Variants in ZFHX3 observed in about 807,000 individuals in gnomAD.
The protein encoded by ZFHX3 is zinc finger homeobox protein 3.
In ZFHX3, 42 loss-of-function variants were observed where a neutral mutation model predicts 279.1. The ratio of observed to expected loss-of-function variants is 0.15; its 90% CI spans 0.12 to 0.19. The LOEUF (loss-of-function observed/expected upper bound fraction) is 0.19. Among genes scored for constraint, ZFHX3 ranks in the 10% least tolerant of loss-of-function variants. The pLI is 1.00. For missense variants in ZFHX3, 4,981 were observed against 4,754.0 expected (o/e 1.05, Z -1.40); for synonymous variants, 2,293 against 1,957.8 (o/e 1.17, Z -4.52).
chr16:73,579,871 T>TATATATATATATATAC (rs1294197708), intron 2 of ZFHX3, among the ~76,000 whole-genome samples: 1 of 131,932 alleles, frequency 7.6e-6, no homozygotes, highest in African/African-American at 2.6e-5. Flanking sequence ...TATATATATA[T>TATATATATATATATAC]ATACATACAC....
intron 4 of ZFHX3, among the ~76,000 whole-genome samples, chr16:73,273,774 T>C (rs953411101): frequency 6.6e-6 from 1 of 152,196 alleles, no homozygotes; most frequent in Admixed American, 6.5e-5. Context: ...TGTCTCTGTA[T>C]AGGTATTTCA....
chr16:72,986,145 G>A (rs913567147), intron 1 of ZFHX3, among the ~76,000 whole-genome samples: 6 of 149,278 alleles, frequency 4.0e-5, no homozygotes, highest in Non-Finnish European at 7.4e-5. Flanking sequence ...TCCATGGCCC[G>A]TCCTGGGTGG....
rs746275309 is a variant in ZFHX3 at position 72,796,322 on chromosome 16, A to G, written c.6360T>C (p.Pro2120=). The G allele has an allele frequency of 6.2e-7, 1 of 1,614,118 alleles. No individual in the cohort carries two copies. Among genetic ancestry groups the G allele is most frequent in the Non-Finnish European group, 8.5e-7 (1 of 1,180,026 alleles). Residue 2120 remains proline, a synonymous_variant, in exon 9 of 10, where the codon CCT becomes CCC. Coordinates refer to ENST00000268489, the MANE Select transcript of ZFHX3 (RefSeq NM_006885.4). ...CCAGGTCCGCAGGCAGAGGCTCCAC[A>G]GGTCCCAGCTGCGGGGGTAGCTGAG... ...LPAQLPPQLG[P]VEPLPADLAQ... is the part of the protein sequence containing the mutation.
intron 1 of ZFHX3, among the ~76,000 whole-genome samples, chr16:73,882,411 C>A (rs999036093): frequency 6.6e-6 from 1 of 151,970 alleles, no homozygotes; most frequent in Non-Finnish European, 1.5e-5. Flanking sequence ...GAAAGTGGTA[C>A]AGAAACATGA....
At chr16:73,769,287 C>T (rs369708096) in intron 1 of ZFHX3, among the ~76,000 whole-genome samples, 1 of 152,128 alleles carries the variant, frequency 6.6e-6, no homozygotes, top group Non-Finnish European at 1.5e-5. Flanking sequence ...AGATCATAAA[C>T]TTCATGAGGA....
At chr16:73,330,454 T>C (rs1327161788) in intron 3 of ZFHX3, among the ~76,000 whole-genome samples, 3 of 152,232 alleles carry the variant, frequency 2.0e-5, no homozygotes, top group East Asian at 1.9e-4. Flanking sequence ...AATTCATGCA[T>C]GTGCTGCAAG....
chr16:73,876,230 G>T (rs2029942201), intron 1 of ZFHX3, among the ~76,000 whole-genome samples: 1 of 152,172 alleles, frequency 6.6e-6, no homozygotes, highest in South Asian at 2.1e-4. Context: ...ATGAGTTCCT[G>T]CTGCTGAGTC....
intron 3 of ZFHX3, among the ~76,000 whole-genome samples, chr16:73,397,772 G>T (rs2017159136): frequency 6.7e-6 from 1 of 150,230 alleles, no homozygotes; most frequent in Admixed American, 6.6e-5. Context: ...GGGCAGTGGT[G>T]GTATTTGTTA....
intron 1 of ZFHX3, among the ~76,000 whole-genome samples, chr16:72,984,003 T>G (rs1597053844): frequency 6.6e-6 from 1 of 152,202 alleles, no homozygotes; most frequent in Non-Finnish European, 1.5e-5. Context: ...CTGTTTTGCA[T>G]GAACCCTTGA....
chr16:72,822,754 T>C (rs1243644190), intron 5 of ZFHX3, among the ~76,000 whole-genome samples: 2 of 151,964 alleles, frequency 1.3e-5, no homozygotes, highest in East Asian at 1.9e-4. Flanking sequence ...TTATACTGTG[T>C]CATAATTGTG....
chr16:73,023,966 A>C (rs1252440111), intron 1 of ZFHX3, among the ~76,000 whole-genome samples: 1 of 152,096 alleles, frequency 6.6e-6, no homozygotes, highest in African/African-American at 2.4e-5. Flanking sequence ...GCTTCTTTTG[A>C]GCGCTCTGTC....
intron 2 of ZFHX3, among the ~76,000 whole-genome samples, chr16:73,497,358 G>A (rs1219464642): frequency 6.6e-6 from 1 of 152,174 alleles, no homozygotes; most frequent in Non-Finnish European, 1.5e-5. Context: ...AGAAAGACTC[G>A]GTTGTGGGTC....
At chr16:73,464,377 G>A (rs1010539277) in intron 2 of ZFHX3, among the ~76,000 whole-genome samples, 1 of 151,484 alleles carries the variant, frequency 6.6e-6, no homozygotes, top group Non-Finnish European at 1.5e-5. Flanking sequence ...GGTTATTTCA[G>A]CTTAAAAGGA....
At chr16:73,125,739 G>C (rs1386778596) in intron 7 of ZFHX3, among the ~76,000 whole-genome samples, 1 of 151,938 alleles carries the variant, frequency 6.6e-6, no homozygotes, top group Admixed American at 6.6e-5. Flanking sequence ...GGCCTATTGT[G>C]GGAAGCTGTG....
At chr16:73,671,333 C>G (rs1209984135) in intron 2 of ZFHX3, among the ~76,000 whole-genome samples, 1 of 152,140 alleles carries the variant, frequency 6.6e-6, no homozygotes, top group East Asian at 1.9e-4. Context: ...GAAAGCGGAG[C>G]AAAGCCAGCA....
intron 3 of ZFHX3, among the ~76,000 whole-genome samples, chr16:72,900,136 CAA>C (rs10669734): frequency 4.7e-5 from 3 of 63,368 alleles, no homozygotes; most frequent in East Asian, 4.2e-4. Context: ...ATGCCCTTGC[CAA>C]AAAAAAAAAA....
chr16:73,606,285 G>A (rs970250162), intron 2 of ZFHX3, among the ~76,000 whole-genome samples: 6 of 150,286 alleles, frequency 4.0e-5, no homozygotes, highest in African/African-American at 1.5e-4. Flanking sequence ...AGGTGGGCAG[G>A]TCACCTGAGG....
At chr16:73,791,288 A>G (rs1959816330) in intron 1 of ZFHX3, among the ~76,000 whole-genome samples, 1 of 151,396 alleles carries the variant, frequency 6.6e-6, no homozygotes, top group African/African-American at 2.4e-5. Flanking sequence ...TGACTGGCAG[A>G]GTCCCAAGCT....
intron 1 of ZFHX3, among the ~76,000 whole-genome samples, chr16:73,037,012 T>C (rs1216600282): frequency 6.6e-6 from 1 of 152,096 alleles, no homozygotes; most frequent in East Asian, 1.9e-4. Flanking sequence ...GCCCATTTCA[T>C]CCTTACTGCT....
Sources: allele counts gnomAD v4.1 joint callset (sites outside exome capture counted in the v4.1 genomes callset), GRCh38; gene constraint gnomAD v4.1.1; transcripts MANE v1.5; gene names NCBI Gene and HGNC (gene_info 2026-07-23, HGNC 2026-07-21).